ENTPD5: variants seen among roughly 807,000 people sequenced by gnomAD.
ENTPD5 encodes the protein ectonucleoside triphosphate diphosphohydrolase 5 (inactive).
In ENTPD5, 49 loss-of-function variants were observed where a neutral mutation model predicts 60.2. That is an observed-to-expected ratio of 0.81 (90% CI 0.65 to 1.03). The LOEUF is 1.03. Ranked by LOEUF, ENTPD5 falls within the 50% of genes least tolerant of loss-of-function variation. The pLI is 0.00. For missense variants in ENTPD5, 480 were observed against 507.6 expected, an observed-to-expected ratio of 0.95 and a Z score of 0.52; for synonymous variants, 187 against 185.4, an observed-to-expected ratio of 1.01 and a Z score of -0.07.
chr14:73,988,253 C>A, intron 3 of ENTPD5, 81 bp from the exon 4 acceptor site: 1 of 1,324,350 alleles, frequency 7.6e-7, no homozygotes, highest in Non-Finnish European at 1.0e-6. Flanking sequence ...CACTCCTGGG[C>A]CCAAGGTGTT....
downstream of ENTPD5, among the ~76,000 whole-genome samples, chr14:73,957,179 G>A (rs1221589393): frequency 4.6e-5 from 7 of 151,618 alleles, no homozygotes; most frequent in Admixed American, 3.3e-4. Context: ...CTCACTGCAA[G>A]CTCGGCCTCC....
rs534512335 is a variant in ENTPD5 at position 73,986,069 on chromosome 14, CAAAAAAAA to C, written c.297+737_297+744del. Among the ~76,000 whole-genome samples, 5 of 79,286 alleles carry C rather than the reference CAAAAAAAA, an allele frequency of 6.3e-5. No homozygotes were observed. In the East Asian group the frequency reaches 1.3e-3, roughly 21 times the overall value. The allele number at this position is 79,286 out of a possible 152,430, so 52.0% of individuals were successfully genotyped here. A position where few individuals can be genotyped will look rare whatever the true frequency, so the allele number is the denominator to read the frequency against. ...CCTGGGTAACAGAGTGATACTCCGT[CAAAAAAAA>C]AAAAAAAAAAGAAAAAGAAGAAAAT... On this transcript the variant is annotated intron_variant, in intron 5 of 15. Coordinates refer to ENST00000334696, the MANE Select transcript of ENTPD5 (RefSeq NM_001249.5).
chr14:73,958,469 A>T (rs895428300), downstream of ENTPD5: 1 of 1,442,582 alleles, frequency 6.9e-7, no homozygotes, highest in Non-Finnish European at 9.1e-7. Context: ...GAGCAATCTC[A>T]TGGGCCGTCT....
At chr14:74,009,411 T>C (rs772804163) in intron 3 of ENTPD5, among the ~76,000 whole-genome samples, 2 of 152,342 alleles carry the variant, frequency 1.3e-5, no homozygotes, top group African/African-American at 2.4e-5. Flanking sequence ...CATTTTCCCT[T>C]TCTTGTTATC....
intron 3 of ENTPD5, among the ~76,000 whole-genome samples, chr14:73,991,180 T>G (rs1178883640): frequency 6.6e-6 from 1 of 152,162 alleles, no homozygotes; most frequent in Non-Finnish European, 1.5e-5. Flanking sequence ...TAAGTGCTTT[T>G]TGTTTTGGTG....
At chr14:73,967,400 T>C (rs1052665679) in intron 15 of ENTPD5, among the ~76,000 whole-genome samples, 3 of 152,244 alleles carry the variant, frequency 2.0e-5, no homozygotes, top group Non-Finnish European at 4.4e-5. Flanking sequence ...ATAATAGATG[T>C]GGCAGAAAGA....
At chr14:73,962,805 A>T, downstream of ENTPD5, 1 of 642,648 alleles carries the variant, frequency 1.6e-6, no homozygotes, top group East Asian at 2.7e-5. Context: ...CAACAGAGTG[A>T]GACCCTGTCT....
chr14:74,001,266 G>C (rs2058496715), intron 3 of ENTPD5, among the ~76,000 whole-genome samples: 1 of 152,124 alleles, frequency 6.6e-6, no homozygotes, highest in African/African-American at 2.4e-5. Flanking sequence ...ACTTTGGGAG[G>C]CCAAGGCAAG....
In ENTPD5 at chr14:73,974,897, C is replaced by G. The variant is rs559365959; in HGVS notation, c.784+27G>C. On this transcript the variant is annotated intron_variant, in intron 11 of 15. Coordinates refer to ENST00000334696, the MANE Select transcript of ENTPD5 (RefSeq NM_001249.5). ...AGTATCTGTGTCACCCTCACCATCCCCCCCCAGCACAGGTACCCAGACAAA... is the reference window on the plus strand; with the variant it reads ...AGTATCTGTGTCACCCTCACCATCCGCCCCCAGCACAGGTACCCAGACAAA... 8.8e-6 allele frequency: 14 copies of G among 1,593,948 alleles called. No homozygotes were observed. In the South Asian group the frequency reaches 1.1e-4, roughly 13 times the overall value.
chr14:74,011,010 T>C (rs1218353548), intron 3 of ENTPD5, 81 bp downstream of exon 3: 1 of 203,128 alleles, frequency 4.9e-6, no homozygotes, highest in Non-Finnish European at 8.7e-6. Context: ...TACTGTGAGC[T>C]CTCAGCTAGG....
chr14:74,008,734 G>C (rs2058756273), intron 3 of ENTPD5, among the ~76,000 whole-genome samples: 1 of 151,870 alleles, frequency 6.6e-6, no homozygotes, highest in Non-Finnish European at 1.5e-5. Flanking sequence ...GGGTCTTCTT[G>C]TGCCCAGACT....
chr14:73,977,041 G>A lies in ENTPD5; in HGVS notation c.536C>T (p.Thr179Ile), dbSNP rs1375990869. ...GSDEGILAWV[T>I]VNFLTGQLHG... ...TGTATTACCTGTCAGAAAATTCACA[G>A]TAACCCAAGCTAATATGCCTAAAAA... Residue 179 changes from threonine (T) to isoleucine (I), a missense_variant, in exon 8 of 16, where the codon ACT (threonine) becomes ATT (isoleucine). Coordinates refer to ENST00000334696, the MANE Select transcript of ENTPD5 (RefSeq NM_001249.5). 1 of 1,613,412 alleles carries A rather than the reference G, an allele frequency of 6.2e-7. No individual in the cohort carries two copies. The highest frequency in any genetic ancestry group is 1.7e-4 in the Middle Eastern group (1 of 6,054).
At position 73,995,513 on chromosome 14, in the gene ENTPD5, G is replaced by A. The variant is rs58232453; in HGVS notation, c.-70-7341C>T. On this transcript the variant is annotated intron_variant, in intron 3 of 15. Coordinates refer to ENST00000334696, the MANE Select transcript of ENTPD5 (RefSeq NM_001249.5). The stretch of plus-strand genomic sequence containing the variant: ...TTTAATAAAAATGTAACAGCTGATC[G>A]GGCACAGTGGCTCACGCCTGTTAAG... 8.6e-3 allele frequency among the ~76,000 whole-genome samples: 1,300 copies of A among 151,382 alleles called. 18 individuals are homozygous for A. Among genetic ancestry groups the A allele is most frequent in the African/African-American group, 0.03 (1,240 of 41,198 alleles).
intron 2 of ENTPD5, among the ~76,000 whole-genome samples, chr14:74,011,471 G>A (rs924745220): frequency 6.6e-6 from 1 of 152,124 alleles, no homozygotes; most frequent in Non-Finnish European, 1.5e-5. Context: ...TGTAAAGGTG[G>A]AGAAGGCAAT....
intron 3 of ENTPD5, among the ~76,000 whole-genome samples, chr14:73,997,663 A>C (rs1008983558): frequency 6.6e-6 from 1 of 152,216 alleles, no homozygotes; most frequent in African/African-American, 2.4e-5. Context: ...AGTTCAGGAC[A>C]GGCTGCAGCA....
rs138982808 is a variant in ENTPD5, at chr14:73,992,833, T to C, written c.-70-4661A>G. Among the ~76,000 whole-genome samples, 801 of 151,826 alleles carry C rather than the reference T, an allele frequency of 5.3e-3. 3 individuals carry two copies. Among genetic ancestry groups the C allele is most frequent in the African/African-American group, 0.019 (772 of 41,372 alleles). On this transcript the variant is annotated intron_variant, in intron 3 of 15. Transcript: ENST00000334696. Reference sequence around the variant, plus strand: ...GCCTGGGTAACAAGGCGAAACCCCGTCTCTGCTAAAAATACAAAAATTAGC... The same window carrying C: ...GCCTGGGTAACAAGGCGAAACCCCGCCTCTGCTAAAAATACAAAAATTAGC...
At chr14:73,983,871 A>C (rs547256569) in intron 5 of ENTPD5, among the ~76,000 whole-genome samples, 16 of 150,446 alleles carry the variant, frequency 1.1e-4, no homozygotes, top group Non-Finnish European at 2.4e-4. Context: ...TTGTATTTTT[A>C]GTAGAGACAG....
chr14:73,988,657 TC>T (rs2140648674), intron 3 of ENTPD5, among the ~76,000 whole-genome samples: 1 of 152,302 alleles, frequency 6.6e-6, no homozygotes, highest in South Asian at 2.1e-4. Flanking sequence ...AACCAAGTTC[TC>T]CTAATCTCTC....
intron 2 of ENTPD5, among the ~76,000 whole-genome samples, chr14:74,013,121 T>C (rs570297110): frequency 6.6e-6 from 1 of 152,322 alleles, no homozygotes; most frequent in South Asian, 2.1e-4. Flanking sequence ...TCTGAATCAG[T>C]AGGTCTCAGG....
Sources: allele counts gnomAD v4.1 joint callset (sites outside exome capture counted in the v4.1 genomes callset), GRCh38; gene constraint gnomAD v4.1.1; transcripts MANE v1.5; gene names NCBI Gene and HGNC (gene_info 2026-07-23, HGNC 2026-07-21).